EYA3: variants seen among roughly 807,000 people sequenced by gnomAD.
EYA3 encodes EYA transcriptional coactivator and phosphatase 3.
EYA3 carries 39 observed loss-of-function variants against 80.0 expected under a neutral mutation model. The observed-to-expected ratio is 0.49, with a 90% CI of 0.38 to 0.64. The LOEUF is 0.64. EYA3 is among the 30% of genes least tolerant of loss of function. The probability of loss-of-function intolerance (pLI) is 0.00; values close to 1 mark genes in which losing one functional copy is unlikely to be tolerated. For missense variants in EYA3, 523 were observed against 676.1 expected, an observed-to-expected ratio of 0.77 and a Z score of 2.51; for synonymous variants, 206 against 232.8, an observed-to-expected ratio of 0.88 and a Z score of 1.05.
chr1:28,002,816 G>GA (rs900911892), intron 11 of EYA3, among the ~76,000 whole-genome samples: 30 of 145,800 alleles, frequency 2.1e-4, no homozygotes, highest in East Asian at 6.0e-4. Context: ...TATCTCAGGA[G>GA]AAAAAAAAAA....
chr1:27,986,352 C>T (rs982884308), intron 16 of EYA3, among the ~76,000 whole-genome samples: 1 of 150,900 alleles, frequency 6.6e-6, no homozygotes, highest in Non-Finnish European at 1.5e-5. Context: ...GCAACAAGAG[C>T]GAAACTCCAA....
rs1281278937 is a variant in EYA3 at position 28,084,579 on chromosome 1, ATATATATATATATATATTTTTTTTTTT to A, written c.-69+3918_-69+3944del. On this transcript the variant is annotated intron_variant, in intron 1 of 17. Coordinates refer to ENST00000373871, the MANE Select transcript of EYA3 (RefSeq NM_001990.4). ...AAAATATATATATATATATATATAT[ATATATATATATATATATTTTTTTTTTT>A]TTTTTTTTTTTTTTTTTTTTTGAGA... Among the ~76,000 whole-genome samples the A allele has an allele frequency of 9.2e-3, 120 of 12,988 alleles. 1 individual carries two copies. The highest frequency in any genetic ancestry group is 0.032 in the African/African-American group (104 of 3,210). 8.5% of individuals were successfully genotyped at this position (12,988 alleles called of 152,430 possible).
rs1644411245 is a variant in EYA3, at chr1:28,055,613, G to C, written c.33+2381C>G. On this transcript the variant is annotated intron_variant, in intron 2 of 17. Coordinates refer to ENST00000373871, the MANE Select transcript of EYA3 (RefSeq NM_001990.4). ...AGCTTCCCAAGTAGCTGGGATTACA[G>C]GCAAGTGCCACCACACCTGGCTAAT... 3.9e-5 allele frequency among the ~76,000 whole-genome samples: 6 copies of C among 152,004 alleles called. No homozygotes were observed. The South Asian group carries it at 1.2e-3, about 32-fold the overall frequency.
intron 4 of EYA3, 59 bp from the exon 5 acceptor site, chr1:28,038,964 G>C: frequency 1.9e-6 from 2 of 1,080,824 alleles, no homozygotes. Context: ...AATGGAATGG[G>C]AAAACTGCAC....
chr1:27,975,460 G>GC (rs1638883700), intron 17 of EYA3, among the ~76,000 whole-genome samples: 1 of 150,834 alleles, frequency 6.6e-6, no homozygotes, highest in Non-Finnish European at 1.5e-5. Flanking sequence ...GGGATTACAG[G>GC]CATGAGCCAC....
At chr1:27,975,930 T>A (rs1638911454) in intron 17 of EYA3, among the ~76,000 whole-genome samples, 1 of 152,178 alleles carries the variant, frequency 6.6e-6, no homozygotes, top group African/African-American at 2.4e-5. Flanking sequence ...GGAGGCCATA[T>A]TTTAAAGGAG....
At chr1:28,030,585 C>T (rs1214644104) in intron 6 of EYA3, among the ~76,000 whole-genome samples, 1 of 152,214 alleles carries the variant, frequency 6.6e-6, no homozygotes, top group African/African-American at 2.4e-5. Context: ...CCGTGCCTGG[C>T]TTTGCCCCAA....
intron 8 of EYA3, among the ~76,000 whole-genome samples, chr1:28,014,465 C>T (rs913511789): frequency 1.4e-5 from 2 of 147,288 alleles, no homozygotes; most frequent in African/African-American, 5.0e-5. Context: ...CGGGAGCTCA[C>T]GCCTATAATT....
chr1:28,055,004 C>A (rs537825360), intron 2 of EYA3, among the ~76,000 whole-genome samples: 2 of 152,258 alleles, frequency 1.3e-5, no homozygotes, highest in South Asian at 4.1e-4. Context: ...ACTGAACAGA[C>A]CTTTGTAGAC....
chr1:27,999,219 A>ATGG (rs1327829000), intron 12 of EYA3, among the ~76,000 whole-genome samples: 2 of 152,178 alleles, frequency 1.3e-5, no homozygotes, highest in African/African-American at 4.8e-5. Flanking sequence ...CTCTCCATAG[A>ATGG]TGGTAATCAG....
intron 1 of EYA3, among the ~76,000 whole-genome samples, chr1:28,078,882 GAGTTCTCAA>G (rs1645319821): frequency 6.6e-6 from 1 of 152,198 alleles, no homozygotes; most frequent in African/African-American, 2.4e-5. Context: ...TTCAAAGCCT[GAGTTCTCAA>G]ACCACAGCTA....
At chr1:28,027,244 A>G (rs1316806545) in intron 7 of EYA3, among the ~76,000 whole-genome samples, 1 of 152,188 alleles carries the variant, frequency 6.6e-6, no homozygotes. Context: ...ACTCTGTTAG[A>G]GGAAGAACTT....
At chr1:28,070,557 G>A (rs980720767) in intron 1 of EYA3, among the ~76,000 whole-genome samples, 11 of 151,424 alleles carry the variant, frequency 7.3e-5, no homozygotes, top group African/African-American at 2.2e-4. Flanking sequence ...GTGAGACTCC[G>A]TCTCAAAAAA....
At chr1:27,980,964 C>T (rs1571700971) in intron 16 of EYA3, among the ~76,000 whole-genome samples, 1 of 152,112 alleles carries the variant, frequency 6.6e-6, no homozygotes, top group Non-Finnish European at 1.5e-5. Context: ...ATCGCTTGAG[C>T]GTGGGAAGGT....
At chr1:27,980,339 C>G (rs886973945) in intron 16 of EYA3, among the ~76,000 whole-genome samples, 5 of 152,170 alleles carry the variant, frequency 3.3e-5, no homozygotes, top group African/African-American at 1.2e-4. Context: ...GATGCACAGT[C>G]TACTATGATC....
At chr1:28,017,094 A>C in intron 8 of EYA3, 60 bp downstream of exon 8, 1 of 1,427,792 alleles carries the variant, frequency 7.0e-7, no homozygotes, top group Admixed American at 1.8e-5. Flanking sequence ...GACCATGGAA[A>C]GAAGAAAGAG....
intron 7 of EYA3, among the ~76,000 whole-genome samples, chr1:28,021,397 C>T (rs1189846817): frequency 3.9e-5 from 6 of 151,910 alleles, no homozygotes; most frequent in Non-Finnish European, 8.8e-5. Context: ...TTTTTCAGAG[C>T]ACTGTTCAAA....
intron 8 of EYA3, 79 bp downstream of exon 8, chr1:28,017,075 A>G: frequency 1.6e-6 from 2 of 1,234,736 alleles, no homozygotes; most frequent in South Asian, 1.3e-5. Context: ...TTTCTTAGAT[A>G]GGCAAATTGA....
chr1:27,982,958 T>C (rs1226851105), intron 16 of EYA3, among the ~76,000 whole-genome samples: 1 of 152,216 alleles, frequency 6.6e-6, no homozygotes, highest in African/African-American at 2.4e-5. Context: ...AATATATCTA[T>C]CAATTTTCTG....
Sources: allele counts gnomAD v4.1 joint callset (sites outside exome capture counted in the v4.1 genomes callset), GRCh38; gene constraint gnomAD v4.1.1; transcripts MANE v1.5; gene names NCBI Gene and HGNC (gene_info 2026-07-23, HGNC 2026-07-21).